The following RANBP17 variants were observed in gnomAD, a reference collection of about 807,000 sequenced individuals.
RANBP17 encodes the protein RAN binding protein 17.
RANBP17 carries 158 observed loss-of-function variants against 141.2 expected under a neutral mutation model. The observed-to-expected ratio is 1.12, with a 90% CI of 0.98 to 1.28. RANBP17 has a LOEUF of 1.28. Among genes scored for constraint, RANBP17 ranks in the 50% most tolerant of loss-of-function variants. The pLI is 0.00. For missense variants in RANBP17, 1,438 were observed against 1,290.7 expected (o/e 1.11, Z -1.75); for synonymous variants, 430 against 450.0 (o/e 0.96, Z 0.56).
In RANBP17 at chr5:171,199,770, A is replaced by G. The variant is rs768759530; in HGVS notation, c.2139A>G (p.Val713=). Residue 713 remains valine (V), a synonymous_variant, in exon 19 of 28, where the codon GTA becomes GTG. Transcript: ENST00000523189. Reference sequence around the variant, plus strand: ...ACAACAACTTTAAACAAGAAGATGTAAAGGTGGGTTTGTTTCCAAATATGA... The same window carrying G: ...ACAACAACTTTAAACAAGAAGATGTGAAGGTGGGTTTGTTTCCAAATATGA... ...IFNNNFKQED[V]KRMLIGLARD... is the part of the protein sequence containing the mutation. The G allele has an allele frequency of 3.2e-6, 5 of 1,580,296 alleles. No homozygotes were observed. Among genetic ancestry groups the G allele is most frequent in the Admixed American group, 1.7e-5 (1 of 58,498 alleles).
intron 14 of RANBP17, among the ~76,000 whole-genome samples, chr5:171,026,367 T>C (rs958373378): frequency 6.6e-6 from 1 of 152,202 alleles, no homozygotes; most frequent in African/African-American, 2.4e-5. Flanking sequence ...GAGCCGTGAT[T>C]CAAACCTAAT....
chr5:171,170,331 G>C (rs1760015041), intron 15 of RANBP17, 128 bp downstream of exon 15: 2 of 452,392 alleles, frequency 4.4e-6, no homozygotes, highest in Non-Finnish European at 7.8e-6. Flanking sequence ...TGCTTTGTTA[G>C]AATGTTAGCA....
At chr5:171,189,697 T>C (rs923963792) in intron 18 of RANBP17, among the ~76,000 whole-genome samples, 1 of 152,222 alleles carries the variant, frequency 6.6e-6, no homozygotes, top group Non-Finnish European at 1.5e-5. Flanking sequence ...GCCCGATTAG[T>C]CTCTTGTTGC....
chr5:171,104,921 T>C (rs1180043383), intron 14 of RANBP17, among the ~76,000 whole-genome samples: 3 of 152,198 alleles, frequency 2.0e-5, no homozygotes, highest in Non-Finnish European at 4.4e-5. Context: ...ATTTTTCCAT[T>C]GGTCCCCTAC....
rs139357683 is a variant in RANBP17 at position 171,175,341 on chromosome 5, G to A, written c.1865+4055G>A. Among the ~76,000 whole-genome samples, 179 of 152,228 alleles carry A rather than the reference G, an allele frequency of 1.2e-3. No individual in the cohort carries two copies. The Middle Eastern group carries it at 0.024, about 20-fold the overall frequency. The stretch of plus-strand genomic sequence containing the variant: ...GTAATGGGATTTGCTGGGTCAAATG[G>A]TATTTCTGGTTCTAGATCCTTGAGG... On this transcript the variant is annotated intron_variant, in intron 16 of 27. Transcript: ENST00000523189.
chr5:170,948,730 A>G (rs1774968038), intron 12 of RANBP17, among the ~76,000 whole-genome samples: 1 of 152,206 alleles, frequency 6.6e-6, no homozygotes, highest in East Asian at 1.9e-4. Context: ...ATGGAAATCC[A>G]TGGGACCCAA....
intron 25 of RANBP17, among the ~76,000 whole-genome samples, chr5:171,279,057 A>AT (rs1470619657): frequency 2.0e-5 from 3 of 152,192 alleles, no homozygotes; most frequent in Non-Finnish European, 4.4e-5. Context: ...TTTTGAAGCC[A>AT]TATCACTGAG....
At chr5:171,079,737 CAT>C (rs1785149388) in intron 14 of RANBP17, among the ~76,000 whole-genome samples, 2 of 152,134 alleles carry the variant, frequency 1.3e-5, no homozygotes, top group Non-Finnish European at 2.9e-5. Flanking sequence ...ATTTTTTAGA[CAT>C]AGTGTGATTG....
chr5:171,279,993 G>A (rs1432212181), intron 25 of RANBP17, among the ~76,000 whole-genome samples: 1 of 152,170 alleles, frequency 6.6e-6, no homozygotes, highest in Non-Finnish European at 1.5e-5. Flanking sequence ...CAGAGTAAAT[G>A]AGAAGGTTTC....
At chr5:171,132,231 A>C (rs1404359840) in intron 14 of RANBP17, among the ~76,000 whole-genome samples, 1 of 152,072 alleles carries the variant, frequency 6.6e-6, no homozygotes. Flanking sequence ...TTACTCTTCC[A>C]AGCCCTACCC....
At chr5:171,228,997 TCA>T (rs1764041658) in intron 22 of RANBP17, among the ~76,000 whole-genome samples, 1 of 152,184 alleles carries the variant, frequency 6.6e-6, no homozygotes, top group Non-Finnish European at 1.5e-5. Flanking sequence ...GGAACTGAAC[TCA>T]CAATATTTCC....
chr5:171,038,809 G>T (rs973671494), intron 14 of RANBP17, among the ~76,000 whole-genome samples: 2 of 152,148 alleles, frequency 1.3e-5, no homozygotes, highest in African/African-American at 4.8e-5. Context: ...CAGGAATGAA[G>T]CTTACTTGTT....
intron 18 of RANBP17, among the ~76,000 whole-genome samples, chr5:171,195,193 T>A (rs1223688275): frequency 1.3e-5 from 2 of 152,184 alleles, no homozygotes; most frequent in African/African-American, 4.8e-5. Context: ...TACCTTTGTC[T>A]TATTAAGAAA....
chr5:171,116,240 C>T (rs1246475683), intron 14 of RANBP17, among the ~76,000 whole-genome samples: 1 of 151,680 alleles, frequency 6.6e-6, no homozygotes, highest in Non-Finnish European at 1.5e-5. Context: ...TGAAATAAAA[C>T]TCAATGAAAT....
chr5:170,949,201 TTAGA>T (rs1775009829), intron 12 of RANBP17, among the ~76,000 whole-genome samples: 1 of 151,838 alleles, frequency 6.6e-6, no homozygotes, highest in African/African-American at 2.4e-5. Context: ...AGAAAACAAA[TTAGA>T]TAGACCAGAG....
intron 14 of RANBP17, among the ~76,000 whole-genome samples, chr5:170,999,837 C>A (rs1032430797): frequency 4.6e-5 from 7 of 152,106 alleles, no homozygotes; most frequent in Non-Finnish European, 8.8e-5. Context: ...CCATCACCAC[C>A]ATTCATCTCC....
chr5:171,096,447 A>G (rs189789430), intron 14 of RANBP17, among the ~76,000 whole-genome samples: 61 of 152,290 alleles, frequency 4.0e-4, no homozygotes, highest in African/African-American at 1.5e-3. Context: ...ATCCGAGGAG[A>G]AATGCTTTGT....
chr5:170,962,604 G>A (rs1342118967), intron 13 of RANBP17, among the ~76,000 whole-genome samples: 1 of 152,126 alleles, frequency 6.6e-6, no homozygotes, highest in Non-Finnish European at 1.5e-5. Flanking sequence ...ACTTACTCCA[G>A]TAATCTGCTA....
At chr5:171,193,886 T>C (rs369179541) in intron 18 of RANBP17, among the ~76,000 whole-genome samples, 2 of 152,208 alleles carry the variant, frequency 1.3e-5, no homozygotes, top group East Asian at 1.9e-4. Flanking sequence ...TAACCTAATA[T>C]ACTTACAGGT....
Sources: gnomAD v4.1 joint callset for allele counts (sites outside exome capture counted in the v4.1 genomes callset) on GRCh38, gnomAD v4.1.1 for gene constraint, MANE v1.5 for transcripts, NCBI Gene and HGNC (gene_info 2026-07-23, HGNC 2026-07-21) for gene names.